Variants in PBRM1 observed in about 807,000 individuals in gnomAD.
The protein encoded by PBRM1 is polybromo 1.
A neutral mutation model predicts 194.5 loss-of-function variants in PBRM1; 27 were observed. The ratio of observed to expected loss-of-function variants is 0.14; its 90% confidence interval spans 0.10 to 0.19. The LOEUF (loss-of-function observed/expected upper bound fraction) is 0.19. Among genes scored for constraint, PBRM1 ranks in the 10% least tolerant of loss-of-function variants. PBRM1 has a pLI of 1.00. For synonymous variants in PBRM1, 655 were observed against 693.2 expected (o/e 0.94, Z 0.87); for missense variants, 1,466 against 2,077.2 (o/e 0.71, Z 5.72).
chr3:52,627,020 C>T (rs1245013250), intron 13 of PBRM1, among the ~76,000 whole-genome samples: 3 of 149,406 alleles, frequency 2.0e-5, no homozygotes, highest in African/African-American at 2.5e-5. Context: ...AAAACCCAGA[C>T]GGCAAACGGA....
At chr3:52,685,486 C>A (rs2154092676) in intron 1 of PBRM1, 1 of 152,204 alleles carries the variant, frequency 6.6e-6, no homozygotes, top group East Asian at 1.9e-4. Flanking sequence ...TTGAAGCTGC[C>A]CCGCGACGAG....
chr3:52,664,076 G>T (rs1403101261), intron 3 of PBRM1, among the ~76,000 whole-genome samples: 2 of 144,680 alleles, frequency 1.4e-5, no homozygotes, highest in South Asian at 2.2e-4. Context: ...AAAAAAAAAA[G>T]TTGGGCACGG....
At chr3:52,592,234 T>C (rs1251130944) in intron 17 of PBRM1, among the ~76,000 whole-genome samples, 1 of 150,718 alleles carries the variant, frequency 6.6e-6, no homozygotes, top group Non-Finnish European at 1.5e-5. Context: ...TGGGTTCAAG[T>C]GATTCTCCTG....
chr3:52,646,600 A>G (rs2096295902), intron 7 of PBRM1, among the ~76,000 whole-genome samples: 1 of 150,470 alleles, frequency 6.6e-6, no homozygotes, highest in South Asian at 2.1e-4. Context: ...CCATACATCT[A>G]TGGTCAATTG....
intron 14 of PBRM1, among the ~76,000 whole-genome samples, 182 bp from the exon 17 acceptor site, chr3:52,615,638 G>A (rs1237445949): frequency 1.3e-5 from 2 of 152,046 alleles, no homozygotes. Flanking sequence ...GGCCTTAACT[G>A]GTTTGTTTTT....
intron 2 of PBRM1, among the ~76,000 whole-genome samples, chr3:52,675,500 G>C (rs1280687491): frequency 6.6e-6 from 1 of 152,156 alleles, no homozygotes; most frequent in Admixed American, 6.5e-5. Flanking sequence ...GATATTAAAA[G>C]GATTATATAC....
chr3:52,601,810 G>A (rs1472059790), intron 17 of PBRM1, among the ~76,000 whole-genome samples: 2 of 152,192 alleles, frequency 1.3e-5, no homozygotes, highest in Non-Finnish European at 1.5e-5. Flanking sequence ...CCCTTGGGCA[G>A]TGGATGTGGC....
At chr3:52,653,165 C>G (rs933890939) in intron 5 of PBRM1, among the ~76,000 whole-genome samples, 1 of 152,140 alleles carries the variant, frequency 6.6e-6, no homozygotes, top group Non-Finnish European at 1.5e-5. Flanking sequence ...TTCACATAAA[C>G]TTTCATAAGG....
chr3:52,581,410 T>G (rs1056410744), intron 20 of PBRM1, among the ~76,000 whole-genome samples: 1 of 151,094 alleles, frequency 6.6e-6, no homozygotes, highest in African/African-American at 2.4e-5. Context: ...CTTGGGAAAC[T>G]GAGACACAAG....
At chr3:52,663,458 T>C (rs1263658776) in intron 3 of PBRM1, among the ~76,000 whole-genome samples, 1 of 152,204 alleles carries the variant, frequency 6.6e-6, no homozygotes, top group Non-Finnish European at 1.5e-5. Flanking sequence ...AATGAATCTC[T>C]GAGAACTCTT....
chr3:52,625,049 A>T, intron 13 of PBRM1, 108 bp from the exon 15 acceptor site: 1 of 762,512 alleles, frequency 1.3e-6, no homozygotes, highest in Non-Finnish European at 2.3e-6. Context: ...TTCAGTCCAA[A>T]GTACCAAAGA....
intron 17 of PBRM1, among the ~76,000 whole-genome samples, chr3:52,591,817 C>CTTTTT (rs34822595): frequency 2.1e-5 from 2 of 94,950 alleles, no homozygotes; most frequent in African/African-American, 8.8e-5. Context: ...TGCGCCCGGC[C>CTTTTT]TTTTTTTTTT....
At chr3:52,586,523 C>T (rs143085435) in exon 20 of PBRM1, 7 of 1,613,768 alleles carry the variant, frequency 4.3e-6, no homozygotes, top group African/African-American at 1.3e-5. Context: ...ACAGAGGCCA[C>T]GCGAACCACA....
chr3:52,673,925 C>T (rs1341729015), intron 2 of PBRM1, among the ~76,000 whole-genome samples: 1 of 151,342 alleles, frequency 6.6e-6, no homozygotes, highest in Admixed American at 6.6e-5. Flanking sequence ...GTGGCACACG[C>T]CTGTAATCCC....
In PBRM1 at chr3:52,634,579, G is replaced by A. The variant is rs1180935657; in HGVS notation, c.1301+23C>T. 3.5e-6 allele frequency: 5 copies of A among 1,409,418 alleles called. No individual in the cohort carries two copies. The African/African-American group carries it at 5.7e-5, about 16-fold the overall frequency. The allele number at this position is 1,409,418 out of a possible 1,614,324, so 87.3% of individuals were successfully genotyped here. Reference sequence around the variant, plus strand: ...AGCCACAACAAAATAAAATTATACTGAATAATGTAGAAGACATCTTACCGG... The same window carrying A: ...AGCCACAACAAAATAAAATTATACTAAATAATGTAGAAGACATCTTACCGG... On this transcript the variant is annotated intron_variant, in intron 11 of 29. Transcript: ENST00000296302.
At chr3:52,628,800 G>A in intron 12 of PBRM1, 94 bp downstream of exon 13, 1 of 1,103,300 alleles carries the variant, frequency 9.1e-7, no homozygotes. Flanking sequence ...GCTGAGGGTG[G>A]GGGGGATCAC....
intron 2 of PBRM1, among the ~76,000 whole-genome samples, chr3:52,673,144 C>T (rs957125340): frequency 6.6e-5 from 10 of 151,362 alleles, no homozygotes; most frequent in African/African-American, 2.4e-4. Context: ...CCCACCACCA[C>T]GCCCGGCTAA....
At chr3:52,569,336 A>G (rs10433550) in intron 22 of PBRM1, among the ~76,000 whole-genome samples, 63,031 of 151,312 alleles carry the variant, frequency 0.42, 13,357 homozygotes, top group Admixed American at 0.5. Flanking sequence ...TCAGCCTCCC[A>G]AGTAGCTGGG....
At chr3:52,586,369 C>T (rs755059832) in intron 20 of PBRM1, 56 bp downstream of exon 22, 5 of 1,399,896 alleles carry the variant, frequency 3.6e-6, no homozygotes, top group Admixed American at 4.2e-5. Context: ...CATTTATTTT[C>T]TGGAATAGGT....
Sources: gnomAD v4.1 joint callset for allele counts (sites outside exome capture counted in the v4.1 genomes callset) on GRCh38, gnomAD v4.1.1 for gene constraint, MANE v1.5 for transcripts, NCBI Gene and HGNC (gene_info 2026-07-23, HGNC 2026-07-21) for gene names.